The following PNKD variants were observed in gnomAD, a reference collection of about 807,000 sequenced individuals.
PNKD encodes the protein probable thioesterase PNKD.
A neutral mutation model predicts 45.3 loss-of-function variants in PNKD; 36 were observed. The observed-to-expected ratio is 0.80, with a 90% CI of 0.61 to 1.05. The LOEUF is 1.05. Among genes scored for constraint, PNKD ranks in the 50% least tolerant of loss-of-function variants. PNKD has a pLI of 0.00. For missense variants in PNKD, 511 were observed against 506.6 expected (o/e 1.01, Z -0.08); for synonymous variants, 197 against 210.1 (o/e 0.94, Z 0.54).
At chr2:218,279,379 T>TCAC in intron 2 of PNKD, 1 of 1,534,720 alleles carries the variant, frequency 6.5e-7, no homozygotes, top group East Asian at 2.3e-5. Context: ...CGGGCATGGG[T>TCAC]CACCATCCGG....
chr2:218,343,624 C>A (rs775815548), intron 8 of PNKD, 38 bp downstream of exon 8: 1 of 1,497,298 alleles, frequency 6.7e-7, no homozygotes, highest in Non-Finnish European at 9.2e-7. Flanking sequence ...CCTCCAGCCC[C>A]ACGCTCAGCC....
At chr2:218,308,938 CTCTT>C (rs1693507302) in intron 2 of PNKD, among the ~76,000 whole-genome samples, 1 of 152,030 alleles carries the variant, frequency 6.6e-6, no homozygotes, top group African/African-American at 2.4e-5. Flanking sequence ...CTCTCTTTCT[CTCTT>C]TCTCCTTCCT....
chr2:218,281,381 C>T (rs1042120080), intron 2 of PNKD, among the ~76,000 whole-genome samples: 2 of 152,210 alleles, frequency 1.3e-5, no homozygotes, highest in African/African-American at 4.8e-5. Flanking sequence ...AGGTGATCTG[C>T]TCGCCTCAGC....
In PNKD at chr2:218,344,581, CGG is replaced by C. The variant is rs754161794; in HGVS notation, c.984+14_984+15del. On this transcript the variant is annotated intron_variant, in intron 9 of 9. Coordinates refer to ENST00000273077, the MANE Select transcript of PNKD (RefSeq NM_015488.5). ...GAGCGCAAGGGCACGGTGAGGGACT[CGG>C]GGTCCAGGAGGAGCTGTGTGGGCAG... is the stretch of plus-strand genomic sequence containing the variant. 23 of 1,585,816 alleles carry C rather than the reference CGG, an allele frequency of 1.5e-5. No homozygotes were observed. Among genetic ancestry groups the C allele is most frequent in the Non-Finnish European group, 1.9e-5 (22 of 1,163,478 alleles).
At chr2:218,321,934 C>CTTTTTT (rs35226712) in intron 2 of PNKD, among the ~76,000 whole-genome samples, 1 of 120,510 alleles carries the variant, frequency 8.3e-6, no homozygotes, top group Admixed American at 8.8e-5. Flanking sequence ...GAGCTTGACT[C>CTTTTTT]TTTTTTTTTT....
At chr2:218,335,609 G>GAAGTGA (rs1553672628) in intron 2 of PNKD, among the ~76,000 whole-genome samples, 13 of 151,586 alleles carry the variant, frequency 8.6e-5, no homozygotes, top group Admixed American at 4.6e-4. Flanking sequence ...TATTGTTGAA[G>GAAGTGA]AAATGTAAGT....
intron 2 of PNKD, among the ~76,000 whole-genome samples, chr2:218,316,436 A>C (rs1693817366): frequency 6.6e-6 from 1 of 151,744 alleles, no homozygotes; most frequent in South Asian, 2.1e-4. Flanking sequence ...TATCCAGCTA[A>C]TTTTTTGTAT....
At chr2:218,282,181 C>T (rs1692091015) in intron 2 of PNKD, 2 of 1,415,480 alleles carry the variant, frequency 1.4e-6, no homozygotes, top group Non-Finnish European at 1.9e-6. Context: ...GCTGCTGGGA[C>T]CTGAAATGGG....
At chr2:218,299,108 TTTTA>T (rs1047310076) in intron 2 of PNKD, among the ~76,000 whole-genome samples, 4 of 152,036 alleles carry the variant, frequency 2.6e-5, no homozygotes, top group Non-Finnish European at 4.4e-5. Flanking sequence ...TGTTCCTTTA[TTTTA>T]TTTATTTATT....
chr2:218,330,142 G>T (rs1694276720), intron 2 of PNKD, among the ~76,000 whole-genome samples: 1 of 152,200 alleles, frequency 6.6e-6, no homozygotes, highest in African/African-American at 2.4e-5. Context: ...GGTGACCCTG[G>T]CAATAGGGGC....
chr2:218,297,785 G>A (rs1693180957), intron 2 of PNKD, among the ~76,000 whole-genome samples: 1 of 151,362 alleles, frequency 6.6e-6, no homozygotes, highest in Non-Finnish European at 1.5e-5. Flanking sequence ...AGATCACAAG[G>A]TCAGGAGATC....
At chr2:218,317,304 G>A (rs756628615) in intron 2 of PNKD, among the ~76,000 whole-genome samples, 2 of 152,192 alleles carry the variant, frequency 1.3e-5, no homozygotes, top group Non-Finnish European at 2.9e-5. Context: ...CCAGAATTCC[G>A]TATTTTTACA....
intron 2 of PNKD, chr2:218,278,711 C>A: frequency 1.1e-6 from 1 of 882,702 alleles, no homozygotes; most frequent in South Asian, 1.6e-5. Flanking sequence ...AGATTACCCC[C>A]AGCCAGGGTC....
At chr2:218,302,290 G>A (rs1693292315) in intron 2 of PNKD, among the ~76,000 whole-genome samples, 1 of 152,198 alleles carries the variant, frequency 6.6e-6, no homozygotes, top group Non-Finnish European at 1.5e-5. Context: ...AGAGGTTGCA[G>A]TGAGCTGAGA....
Position 218,272,780 on chromosome 2 carries a change from C to T in PNKD, c.236+1231C>T. ...AGACCTGAGGAGCGCTGCGACCCTC[C>T]TAGGCTATTGACTGTTAAGTCCTCA... On this transcript the variant is annotated intron_variant, in intron 2 of 9. Coordinates refer to ENST00000273077, the MANE Select transcript of PNKD (RefSeq NM_015488.5). 6 of 1,614,044 alleles carry T rather than the reference C, an allele frequency of 3.7e-6. 1 individual carries two copies. The South Asian group carries it at 4.4e-5, about 12-fold the overall frequency.
intron 2 of PNKD, chr2:218,280,517 A>G (rs923581433): frequency 4.1e-5 from 11 of 266,698 alleles, no homozygotes; most frequent in Non-Finnish European, 7.4e-5. Flanking sequence ...GGCAGAGCGC[A>G]GTTTGTGCAG....
At chr2:218,294,935 G>A (rs940771836) in intron 2 of PNKD, among the ~76,000 whole-genome samples, 1 of 152,140 alleles carries the variant, frequency 6.6e-6, no homozygotes, top group Non-Finnish European at 1.5e-5. Flanking sequence ...ACCATAGCAG[G>A]CCCCTTCTCC....
intron 2 of PNKD, among the ~76,000 whole-genome samples, chr2:218,297,698 A>AC (rs1318894608): frequency 6.8e-6 from 1 of 147,058 alleles, no homozygotes; most frequent in African/African-American, 2.6e-5. Flanking sequence ...AAAAAAAAAA[A>AC]AAAAAAAAAG....
At chr2:218,306,875 A>G (rs1263059268) in intron 2 of PNKD, among the ~76,000 whole-genome samples, 1 of 152,194 alleles carries the variant, frequency 6.6e-6, no homozygotes, top group African/African-American at 2.4e-5. Context: ...TCATCTGACA[A>G]ACACAGATGC....
Sources: allele counts gnomAD v4.1 joint callset (sites outside exome capture counted in the v4.1 genomes callset), GRCh38; gene constraint gnomAD v4.1.1; transcripts MANE v1.5; gene names NCBI Gene and HGNC (gene_info 2026-07-23, HGNC 2026-07-21).